Variants in DDX47 observed in about 807,000 individuals in gnomAD.
DDX47 encodes the protein probable ATP-dependent RNA helicase DDX47.
Under a neutral mutation model 58.8 loss-of-function variants are expected in DDX47, and 60 were observed. That is an observed-to-expected ratio of 1.02 (90% CI 0.83 to 1.26). The LOEUF is 1.26. Among genes scored for constraint, DDX47 ranks in the 50% most tolerant of loss-of-function variants. The pLI, the probability that DDX47 is intolerant of heterozygous loss-of-function variation, is 0.00. For missense variants in DDX47, 530 were observed against 573.2 expected, an observed-to-expected ratio of 0.92 and a Z score of 0.77; for synonymous variants, 197 against 204.6, an observed-to-expected ratio of 0.96 and a Z score of 0.32.
chr12:12,821,090 TC>T, intron 2 of DDX47, 117 bp from the exon 3 acceptor site: 1 of 1,042,790 alleles, frequency 9.6e-7, no homozygotes, highest in Non-Finnish European at 1.4e-6. Context: ...CTTTCCTCTC[TC>T]CCCAGTTCAT....
chr12:12,826,363 A>G (rs1276540390), intron 10 of DDX47: 2 of 216,234 alleles, frequency 9.2e-6, no homozygotes, highest in Admixed American at 5.8e-5. Context: ...ACTATTTCCA[A>G]TTGTTTTTTT....
At chr12:12,814,257 A>G (rs761928089) in intron 2 of DDX47, 33 bp downstream of exon 2, 2 of 1,348,452 alleles carry the variant, frequency 1.5e-6, no homozygotes, top group Non-Finnish European at 2.1e-6. Context: ...GATTTAATAT[A>G]AAGTTATCTC....
intron 10 of DDX47, 140 bp downstream of exon 10, chr12:12,826,210 GAAT>G: frequency 3.4e-6 from 2 of 592,458 alleles, no homozygotes; most frequent in East Asian, 6.2e-5. Flanking sequence ...TGAAAGATGG[GAAT>G]AATAATACCT....
In DDX47 at chr12:12,829,532, TGAA is replaced by T. The variant is rs1863101150; in HGVS notation, c.1351_1353del (p.Lys451del). The T allele has an allele frequency of 6.2e-7, 1 of 1,613,548 alleles. No homozygotes were observed. Among genetic ancestry groups the T allele is most frequent in the African/African-American group, 1.3e-5 (1 of 74,958 alleles). ...AGGAACAAGGTGGCTGGAGGAAAAA[TGAA>T]GAAGCGGAAAGGCCGTTAATCACTT... On this transcript the variant is annotated inframe_deletion, in exon 12 of 12. Transcript: ENST00000358007.
rs770686747 is a variant in DDX47, at chr12:12,823,291, A to G, written c.722A>G (p.Tyr241Cys). 33 of 1,599,182 alleles carry G rather than the reference A, an allele frequency of 2.1e-5. No homozygotes were observed. The highest frequency in any genetic ancestry group is 2.7e-5 in the Non-Finnish European group (31 of 1,166,546). The change falls in exon 7 of 12, where the codon TAT (tyrosine) becomes TGT (cysteine). Residue 241 changes from tyrosine to cysteine, a missense_variant. Tyr to Cys is a radical substitution (Grantham distance 194). Transcript: ENST00000358007. Reference sequence around the variant, plus strand: ...CAGACAGTTGAAAAATTACAGCAATATTATATTTTTATTCCCTCTAAATTC... The same window carrying G: ...CAGACAGTTGAAAAATTACAGCAATGTTATATTTTTATTCCCTCTAAATTC... ...KYQTVEKLQQ[Y>C]YIFIPSKFKD...
Position 12,823,990 on chromosome 12 carries a change from A to T in DDX47, c.871A>T (p.Ile291Phe). 6.2e-7 allele frequency: 1 copy of T among 1,614,084 alleles called. No individual in the cohort carries two copies. Among genetic ancestry groups the T allele is most frequent in the Non-Finnish European group, 8.5e-7 (1 of 1,179,982 alleles). ...LLLRNLGFTAIPLHGQMSQSK... is the reference protein window; with the variant it reads ...LLLRNLGFTAFPLHGQMSQSK... ...ACTGCGAAATCTTGGCTTCACTGCC[A>T]TCCCCCTCCATGGACAAATGAGTCA... Residue 291 changes from isoleucine to phenylalanine, a missense_variant, in exon 8 of 12, where the codon ATC (isoleucine) becomes TTC (phenylalanine). Coordinates refer to ENST00000358007, the MANE Select transcript of DDX47 (RefSeq NM_016355.4).
chr12:12,814,473 A>G, intron 2 of DDX47: 1 of 406,846 alleles, frequency 2.5e-6, no homozygotes, highest in African/African-American at 2.0e-5. Context: ...AAGTTAAAGT[A>G]TATTAACGAC....
At position 12,821,321 on chromosome 12, in the gene DDX47, A is replaced by G. The variant is rs914221772; in HGVS notation, c.295A>G (p.Thr99Ala). Residue 99 changes from threonine to alanine, a missense_variant, in exon 3 of 12, where the codon ACC becomes GCC. Thr to Ala is a moderately conservative substitution (Grantham distance 58). Transcript: ENST00000358007. The stretch of plus-strand genomic sequence containing the variant: ...GCAGCGTTTGTTTGCCCTAGTTCTT[A>G]CCCCGACTCGGGAGCTGGCCTTTCA... ...TPQRLFALVL[T>A]PTRELAFQIS... 1 of 1,614,020 alleles carries G rather than the reference A, an allele frequency of 6.2e-7. No individual in the cohort carries two copies. The highest frequency in any genetic ancestry group is 1.3e-5 in the African/African-American group (1 of 74,902).
rs1188842418 is a variant in DDX47, at chr12:12,824,295, C to T, written c.898-245C>T. On this transcript the variant is annotated intron_variant, in intron 8 of 11. Transcript: ENST00000358007. Reference sequence around the variant, plus strand: ...TAATAATGACTCTGGCCTCTAAAAACATTAATAAATTATTTCCCAGTTACC... The same window carrying T: ...TAATAATGACTCTGGCCTCTAAAAATATTAATAAATTATTTCCCAGTTACC... The T allele has an allele frequency of 5.3e-6, 3 of 562,846 alleles. No individual in the cohort carries two copies. In the African/African-American group the frequency reaches 5.8e-5, roughly 11 times the overall value. 34.9% of individuals were successfully genotyped at this position (562,846 alleles called of 1,614,324 possible).
At chr12:12,824,719 A>G (rs1863025095) in intron 9 of DDX47, 42 bp downstream of exon 9, 12 of 1,584,988 alleles carry the variant, frequency 7.6e-6, no homozygotes, top group Non-Finnish European at 1.0e-5. Flanking sequence ...CCTAAAGTGT[A>G]TTTCTTAATG....
At position 12,821,329 on chromosome 12, in the gene DDX47, T is replaced by A; in HGVS notation, c.303T>A (p.Thr101=). 1 of 1,614,186 alleles carries A rather than the reference T, an allele frequency of 6.2e-7. No homozygotes were observed. Among genetic ancestry groups the A allele is most frequent in the Non-Finnish European group, 8.5e-7 (1 of 1,180,036 alleles). The change falls in exon 3 of 12, where the codon ACT becomes ACA. Residue 101 remains threonine (T), a synonymous_variant. Coordinates refer to ENST00000358007, the MANE Select transcript of DDX47 (RefSeq NM_016355.4). ...TGTTTGCCCTAGTTCTTACCCCGACTCGGGAGCTGGCCTTTCAGATCTCAG... is the reference window on the plus strand; with the variant it reads ...TGTTTGCCCTAGTTCTTACCCCGACACGGGAGCTGGCCTTTCAGATCTCAG... ...QRLFALVLTP[T]RELAFQISEQ... is the part of the protein sequence containing the mutation.
At chr12:12,824,433 A>G in intron 8 of DDX47, 107 bp from the exon 9 acceptor site, 1 of 1,330,734 alleles carries the variant, frequency 7.5e-7, no homozygotes, top group Non-Finnish European at 1.0e-6. Flanking sequence ...TTAGGGGGAA[A>G]AACCTTTAAA....
chr12:12,824,486 T>C, intron 8 of DDX47, 54 bp from the exon 9 acceptor site: 1 of 1,574,178 alleles, frequency 6.4e-7, no homozygotes. Context: ...ATTTTGTGTT[T>C]TGTATTCCAA....
At chr12:12,823,481 G>C in intron 7 of DDX47, 162 bp downstream of exon 7, 1 of 608,308 alleles carries the variant, frequency 1.6e-6, no homozygotes. Context: ...CGATAAGCCA[G>C]ACATGCCAGG....
chr12:12,827,158 A>G (rs971810866), intron 10 of DDX47, 88 bp from the exon 11 acceptor site: 6 of 1,466,314 alleles, frequency 4.1e-6, no homozygotes, highest in East Asian at 4.5e-5. Flanking sequence ...TATGGTTCCT[A>G]TTGCGTTGTA....
At chr12:12,826,365 TG>T (rs201637555) in intron 10 of DDX47, 12 of 215,376 alleles carry the variant, frequency 5.6e-5, no homozygotes, top group Middle Eastern at 1.5e-3. Flanking sequence ...TATTTCCAAT[TG>T]TTTTTTTTAA....
chr12:12,829,415 T>G lies in DDX47; in HGVS notation c.1237-8T>G, dbSNP rs763254194. On this transcript the variant is annotated splice_polypyrimidine_tract_variant and splice_region_variant and intron_variant, in intron 11 of 11. Transcript: ENST00000358007. ...TTTTCAATCCCATCCTCTCTTTTTT[T>G]CTTGCAGGAGTTAAGGGAGCATGGA... 6.3e-7 allele frequency: 1 copy of G among 1,599,224 alleles called. No individual in the cohort carries two copies. The highest frequency in any genetic ancestry group is 1.1e-5 in the South Asian group (1 of 87,882).
intron 10 of DDX47, 27 bp from the exon 11 acceptor site, chr12:12,827,219 C>A: frequency 6.2e-7 from 1 of 1,610,150 alleles, no homozygotes; most frequent in Non-Finnish European, 8.5e-7. Flanking sequence ...ACCAGGCAAC[C>A]AGAGCTGTGC....
chr12:12,828,021 A>C (rs370557067), intron 11 of DDX47, among the ~76,000 whole-genome samples: 70 of 151,948 alleles, frequency 4.6e-4, no homozygotes, highest in African/African-American at 1.6e-3. Context: ...ATGTGCCACC[A>C]TGCCCAGCTA....
Sources: gnomAD v4.1 joint callset for allele counts (sites outside exome capture counted in the v4.1 genomes callset) on GRCh38, gnomAD v4.1.1 for gene constraint, MANE v1.5 for transcripts, NCBI Gene and HGNC (gene_info 2026-07-23, HGNC 2026-07-21) for gene names.